Variants in DENND2C observed in about 807,000 individuals in gnomAD.
DENND2C encodes DENN domain-containing protein 2C.
A neutral mutation model predicts 112.4 loss-of-function variants in DENND2C; 72 were observed. That is an observed-to-expected ratio of 0.64 (90% CI 0.53 to 0.78). DENND2C has a LOEUF of 0.78. Ranked by LOEUF, DENND2C falls within the 30% of genes least tolerant of loss-of-function variation. The pLI is 0.00. For synonymous variants in DENND2C, 329 were observed against 381.6 expected, an observed-to-expected ratio of 0.86 and a Z score of 1.61; for missense variants, 992 against 1,113.8, an observed-to-expected ratio of 0.89 and a Z score of 1.56.
At position 114,608,736 on chromosome 1, in the gene DENND2C, G is replaced by T. The variant is rs751813811; in HGVS notation, c.1507C>A (p.Pro503Thr). Residue 503 changes from proline to threonine, a missense_variant, in exon 10 of 21, where the codon CCA becomes ACA. Physicochemically the swap from Pro to Thr is conservative, Grantham distance 38. Around this residue, in one of 3 missense-constraint regions of DENND2C, gnomAD observed 516 missense variants for 623.6 expected, o/e 0.83. Coordinates refer to ENST00000393274, the MANE Select transcript of DENND2C (RefSeq NM_001256404.2). ...LFVVVSLQKK[P>T]SGISYIPQVI... ...TGGGGAATATAGCTTATTCCTGATG[G>T]TTTCTTCTGTAGAGACACCACCACA... The T allele has an allele frequency of 3.0e-5, 49 of 1,614,018 alleles. No homozygotes were observed. The Admixed American group carries it at 7.5e-4, about 25-fold the overall frequency.
intron 2 of DENND2C, among the ~76,000 whole-genome samples, chr1:114,647,519 G>T (rs1398576477): frequency 6.6e-6 from 1 of 152,068 alleles, no homozygotes; most frequent in East Asian, 1.9e-4. Context: ...CATTTAGTTG[G>T]CTTCTAAATC....
chr1:114,632,168 T>A (rs2101673171), intron 3 of DENND2C, among the ~76,000 whole-genome samples: 1 of 152,242 alleles, frequency 6.6e-6, no homozygotes. Context: ...TGGGACAACA[T>A]CAAGTGGTTT....
At chr1:114,636,408 G>A (rs1001784799) in intron 3 of DENND2C, among the ~76,000 whole-genome samples, 1 of 152,214 alleles carries the variant, frequency 6.6e-6, no homozygotes, top group Non-Finnish European at 1.5e-5. Flanking sequence ...GCTCATGCCT[G>A]TAATCCTAAC....
At chr1:114,665,602 G>A (rs1437575968) in intron 1 of DENND2C, among the ~76,000 whole-genome samples, 1 of 152,166 alleles carries the variant, frequency 6.6e-6, no homozygotes, top group Non-Finnish European at 1.5e-5. Flanking sequence ...CTTATGATGG[G>A]TTTATTCAGA....
intron 1 of DENND2C, among the ~76,000 whole-genome samples, chr1:114,655,883 A>AAAATATAT (rs143127446): frequency 2.4e-5 from 3 of 125,882 alleles, no homozygotes; most frequent in Non-Finnish European, 5.4e-5. Flanking sequence ...TATATGTATA[A>AAAATATAT]ATATATATAT....
chr1:114,587,082 G>A (rs772915889), intron 20 of DENND2C: 5 of 262,866 alleles, frequency 1.9e-5, no homozygotes, highest in Admixed American at 4.6e-5. Flanking sequence ...ATTTTTAGCA[G>A]AGATGGGGTT....
intron 7 of DENND2C, 54 bp downstream of exon 7, chr1:114,621,841 A>T: frequency 6.5e-7 from 1 of 1,544,280 alleles, no homozygotes; most frequent in East Asian, 2.4e-5. Context: ...ACTTATTCTC[A>T]TTCATGGAAA....
intron 9 of DENND2C, among the ~76,000 whole-genome samples, chr1:114,609,669 G>A (rs952804981): frequency 1.3e-5 from 2 of 152,110 alleles, no homozygotes; most frequent in East Asian, 1.9e-4. Context: ...TAGTCTACAC[G>A]TCCCAGTGAT....
At chr1:114,635,720 A>T (rs1656635877) in intron 3 of DENND2C, among the ~76,000 whole-genome samples, 1 of 152,190 alleles carries the variant, frequency 6.6e-6, no homozygotes, top group Admixed American at 6.5e-5. Flanking sequence ...AAATATTAGT[A>T]AGTCCACTGG....
At chr1:114,637,074 G>A (rs539976850) in intron 3 of DENND2C, among the ~76,000 whole-genome samples, 6 of 142,102 alleles carry the variant, frequency 4.2e-5, no homozygotes, top group East Asian at 4.1e-4. Flanking sequence ...GTTAAACCCT[G>A]TCTTTACTAA....
intron 18 of DENND2C, among the ~76,000 whole-genome samples, chr1:114,591,881 TTTATTA>T (rs568111224): frequency 6.9e-6 from 1 of 145,590 alleles, no homozygotes; most frequent in African/African-American, 2.5e-5. Flanking sequence ...TATTATTATT[TTTATTA>T]TTATTATTAT....
intron 1 of DENND2C, among the ~76,000 whole-genome samples, chr1:114,658,436 G>A (rs17032816): frequency 0.04 from 6,065 of 152,148 alleles, 409 homozygotes; most frequent in African/African-American, 0.14. Flanking sequence ...ACTGAGAAAC[G>A]ATCCTTGCAT....
chr1:114,617,467 C>T (rs1193780710), intron 8 of DENND2C, among the ~76,000 whole-genome samples: 1 of 152,048 alleles, frequency 6.6e-6, no homozygotes. Context: ...CACGCCACCA[C>T]GCCCAGCTAA....
chr1:114,596,012 T>C (rs1557939245), intron 16 of DENND2C, 139 bp from the exon 17 acceptor site: 3 of 721,024 alleles, frequency 4.2e-6, no homozygotes, highest in Middle Eastern at 2.6e-4. Flanking sequence ...AAAAAATAAA[T>C]TGCAAGTAAA....
chr1:114,658,593 AAG>A (rs1458297759), intron 1 of DENND2C, among the ~76,000 whole-genome samples: 3 of 152,096 alleles, frequency 2.0e-5, no homozygotes, highest in Admixed American at 2.0e-4. Context: ...TAAAAACAAA[AAG>A]AAGATGCAAC....
At chr1:114,646,144 G>T (rs1344572772) in intron 2 of DENND2C, among the ~76,000 whole-genome samples, 1 of 151,964 alleles carries the variant, frequency 6.6e-6, no homozygotes, top group Non-Finnish European at 1.5e-5. Context: ...AGCCAGGATG[G>T]TCTCGATCTC....
intron 16 of DENND2C, among the ~76,000 whole-genome samples, chr1:114,597,570 T>A (rs773803177): frequency 6.6e-6 from 1 of 151,904 alleles, no homozygotes; most frequent in Non-Finnish European, 1.5e-5. Flanking sequence ...TCACTTGAGG[T>A]CAGTAGTTTG....
intron 3 of DENND2C, among the ~76,000 whole-genome samples, chr1:114,635,609 T>C (rs557543268): frequency 6.6e-6 from 1 of 152,322 alleles, no homozygotes; most frequent in Admixed American, 6.5e-5. Flanking sequence ...CAACTCATTT[T>C]ATGAGACCAG....
rs752324079 is a variant in DENND2C, at chr1:114,594,536, C to T, written c.2368G>A (p.Ala790Thr). Residue 790 changes from alanine to threonine, a missense_variant, in exon 18 of 21, where the codon GCC becomes ACC. Ala to Thr is a moderately conservative substitution (Grantham distance 58). Coordinates refer to ENST00000393274, the MANE Select transcript of DENND2C (RefSeq NM_001256404.2). ...DEILPPKLQA[A>T]LMQILEERNE... ...CGTTCTTCCAAAATCTGCATCAGGGCAGCTTGAAGTTTTGGTGGTAGAATT... is the reference window on the plus strand; with the variant it reads ...CGTTCTTCCAAAATCTGCATCAGGGTAGCTTGAAGTTTTGGTGGTAGAATT... 1.2e-6 allele frequency: 2 copies of T among 1,613,738 alleles called. No homozygotes were observed. The highest frequency in any genetic ancestry group is 3.3e-5 in the Admixed American group (2 of 59,976).
Sources: allele counts gnomAD v4.1 joint callset (sites outside exome capture counted in the v4.1 genomes callset), GRCh38; gene constraint gnomAD v4.1.1; regional missense constraint gnomAD v4.1.1; transcripts MANE v1.5; gene names NCBI Gene and HGNC (gene_info 2026-07-23, HGNC 2026-07-21).